TEX36: variants seen among roughly 807,000 people sequenced by gnomAD.
TEX36 encodes testis-expressed protein 36.
A neutral mutation model predicts 13.6 loss-of-function variants in TEX36; 12 were observed. That is an observed-to-expected ratio of 0.88 (90% CI 0.56 to 1.43). TEX36 has a LOEUF of 1.43. TEX36 is among the 40% of genes most tolerant of loss of function. The pLI is 0.00. For missense variants in TEX36, 224 were observed against 228.3 expected, an observed-to-expected ratio of 0.98 and a Z score of 0.12; for synonymous variants, 93 against 83.0, an observed-to-expected ratio of 1.12 and a Z score of -0.65.
At chr10:125,612,082 T>A (rs1366019268) in intron 3 of TEX36, among the ~76,000 whole-genome samples, 1 of 149,266 alleles carries the variant, frequency 6.7e-6, no homozygotes, top group East Asian at 2.0e-4. Context: ...TTTTTCTTTT[T>A]CTTTTTCTTT....
intron 3 of TEX36, among the ~76,000 whole-genome samples, chr10:125,613,217 C>CTT (rs71029263): frequency 6.4e-4 from 75 of 116,778 alleles, no homozygotes; most frequent in African/African-American, 1.2e-3. Flanking sequence ...TCCCCACTTC[C>CTT]TTTTTTTTTT....
At chr10:125,647,214 G>A (rs1040287649) in intron 3 of TEX36, among the ~76,000 whole-genome samples, 3 of 152,072 alleles carry the variant, frequency 2.0e-5, no homozygotes, top group African/African-American at 7.2e-5. Flanking sequence ...CACTCCAGAC[G>A]TACAACCATA....
chr10:125,584,524 G>A (rs887351196), intron 3 of TEX36, among the ~76,000 whole-genome samples: 1 of 152,188 alleles, frequency 6.6e-6, no homozygotes, highest in Admixed American at 6.5e-5. Flanking sequence ...TCTACCTCCA[G>A]TTCATCTGTT....
intron 3 of TEX36, among the ~76,000 whole-genome samples, chr10:125,633,900 A>G (rs1054649362): frequency 2.0e-5 from 3 of 152,160 alleles, no homozygotes; most frequent in Admixed American, 6.5e-5. Context: ...CCGATGAGTA[A>G]TTAGGCATTA....
downstream of TEX36, among the ~76,000 whole-genome samples, chr10:125,651,067 T>C (rs1003888408): frequency 2.4e-4 from 36 of 152,240 alleles, no homozygotes; most frequent in African/African-American, 8.7e-4. Flanking sequence ...CTACCAGAGG[T>C]ACAAAGAGTA....
At chr10:125,670,219 A>C (rs755996079) in intron 1 of TEX36, among the ~76,000 whole-genome samples, 8 of 152,226 alleles carry the variant, frequency 5.3e-5, no homozygotes, top group Non-Finnish European at 1.0e-4. Flanking sequence ...CAATAGCGTA[A>C]AAGCATTCCT....
At chr10:125,621,672 C>T (rs1475582740) in intron 3 of TEX36, 3 of 455,860 alleles carry the variant, frequency 6.6e-6, no homozygotes, top group Non-Finnish European at 1.3e-5. Context: ...CCAGCAGTAG[C>T]TCAGTTCAAG....
chr10:125,581,997 C>T (rs938816680), intron 3 of TEX36, among the ~76,000 whole-genome samples: 11 of 152,212 alleles, frequency 7.2e-5, no homozygotes, highest in East Asian at 3.9e-4. Flanking sequence ...GCCACAGTGA[C>T]GCATGGTCTT....
At chr10:125,594,776 A>G (rs1421342460) in intron 3 of TEX36, among the ~76,000 whole-genome samples, 1 of 152,242 alleles carries the variant, frequency 6.6e-6, no homozygotes, top group Non-Finnish European at 1.5e-5. Context: ...ATTGATAAAA[A>G]CTGTCTGCAC....
intron 1 of TEX36, among the ~76,000 whole-genome samples, chr10:125,674,368 C>T (rs1237903490): frequency 2.0e-5 from 3 of 152,182 alleles, no homozygotes; most frequent in Admixed American, 2.0e-4. Flanking sequence ...TTAGAACATG[C>T]TCCTTTAGCT....
At chr10:125,617,826 G>T (rs1173724118), downstream of TEX36, among the ~76,000 whole-genome samples, 5 of 152,126 alleles carry the variant, frequency 3.3e-5, no homozygotes, top group Non-Finnish European at 5.9e-5. Flanking sequence ...GAATCTGAAT[G>T]TTGGCCTGCC....
At chr10:125,605,211 G>A (rs144948335) in intron 3 of TEX36, among the ~76,000 whole-genome samples, 2,429 of 152,236 alleles carry the variant, frequency 0.016, 76 homozygotes, top group Non-Finnish European at 0.018. Flanking sequence ...TTATGCCTTC[G>A]ACTCATTTTA....
chr10:125,605,327 A>C (rs1391006607), intron 3 of TEX36, among the ~76,000 whole-genome samples: 1 of 150,180 alleles, frequency 6.7e-6, no homozygotes, highest in Admixed American at 6.6e-5. Context: ...TATTCTCCAC[A>C]CGCAGCATAG....
chr10:125,589,812 A>G lies in TEX36; in HGVS notation c.265-12938T>C, dbSNP rs545437075. Among the ~76,000 whole-genome samples the G allele has an allele frequency of 1.5e-4, 23 of 152,300 alleles. No individual in the cohort carries two copies. The South Asian group carries it at 2.7e-3, about 18-fold the overall frequency. ...TTTTCATTTGGTCAGAATTCACCAT[A>G]TGACATTGAGCTATTATCAGAATAA... On this transcript the variant is annotated intron_variant, in intron 3 of 3. Coordinates refer to the TEX36 transcript ENST00000532135.
chr10:125,588,079 G>A (rs1271565780), intron 3 of TEX36, among the ~76,000 whole-genome samples: 1 of 152,152 alleles, frequency 6.6e-6, no homozygotes, highest in Non-Finnish European at 1.5e-5. Flanking sequence ...AAAAACAGCG[G>A]TAACTTTGTA....
chr10:125,625,081 C>G (rs777433744), intron 3 of TEX36, among the ~76,000 whole-genome samples: 36 of 152,190 alleles, frequency 2.4e-4, no homozygotes, highest in Non-Finnish European at 1.6e-4. Context: ...CCAGAAAGTC[C>G]GTGCTGACTC....
intron 3 of TEX36, among the ~76,000 whole-genome samples, chr10:125,601,591 A>T (rs971991240): frequency 1.3e-5 from 2 of 152,362 alleles, no homozygotes; most frequent in South Asian, 2.1e-4. Flanking sequence ...AATGGTGCTC[A>T]CCAGCTTGCC....
At chr10:125,670,135 G>A (rs1847200223) in intron 1 of TEX36, among the ~76,000 whole-genome samples, 1 of 152,152 alleles carries the variant, frequency 6.6e-6, no homozygotes, top group South Asian at 2.1e-4. Context: ...TGGATCAAAT[G>A]GTATTTCTGG....
intron 3 of TEX36, among the ~76,000 whole-genome samples, chr10:125,612,066 CTTTTCTTTTTCTTTTTCT>C (rs1003065074): frequency 6.7e-6 from 1 of 149,806 alleles, no homozygotes; most frequent in Non-Finnish European, 1.5e-5. Flanking sequence ...CTTTTCTTTT[CTTTTCTTTTTCTTTTTCT>C]TTTTCTTTTT....
Sources: gnomAD v4.1 joint callset for allele counts (sites outside exome capture counted in the v4.1 genomes callset) on GRCh38, gnomAD v4.1.1 for gene constraint, MANE v1.5 for transcripts, NCBI Gene and HGNC (gene_info 2026-07-23, HGNC 2026-07-21) for gene names.